SKIC2: variants seen among roughly 807,000 people sequenced by gnomAD.
The protein encoded by SKIC2 is superkiller complex protein 2.
chr6:31,965,364 T>G, the SKIC2 span, among the ~76,000 whole-genome samples: 1 of 151,876 alleles, frequency 6.6e-6, no homozygotes, highest in Non-Finnish European at 1.5e-5. This position sits in a 1 kb window ranked among gnomAD's most constrained non-coding sequence, Gnocchi z 5.6. Context: ...GGGTTAGATG[T>G]GGCCACAGGA....
the SKIC2 span, chr6:31,962,637 GT>G: frequency 1.2e-6 from 2 of 1,607,468 alleles, no homozygotes; most frequent in Non-Finnish European, 1.7e-6. This position sits in a 1 kb window ranked among gnomAD's most constrained non-coding sequence, Gnocchi z 5.0. Flanking sequence ...AGATGTGGCC[GT>G]TGTGGAGAGT....
chr6:31,967,341 T>A, the SKIC2 span: 1 of 1,612,838 alleles, frequency 6.2e-7, no homozygotes, highest in Admixed American at 1.7e-5. The surrounding 1 kb of genome is among the most constrained non-coding windows in gnomAD (Gnocchi z 4.9). Flanking sequence ...TTGTGAAGAA[T>A]CAGGAGCATC....
the SKIC2 span, chr6:31,968,669 C>T: frequency 3.9e-5 from 63 of 1,601,432 alleles, no homozygotes; most frequent in Non-Finnish European, 4.4e-5. This position sits in a 1 kb window ranked among gnomAD's most constrained non-coding sequence, Gnocchi z 6.1. Context: ...AGAAGGCTGA[C>T]GGGTGGCTCT....
At chr6:31,964,288 C>T in the SKIC2 span, 2 of 1,612,956 alleles carry the variant, frequency 1.2e-6, no homozygotes, top group Non-Finnish European at 1.7e-6. The surrounding 1 kb of genome is among the most constrained non-coding windows in gnomAD (Gnocchi z 5.0). Flanking sequence ...ATAGCGGCAT[C>T]CTGCCCATCC....
chr6:31,959,950 T>C, the SKIC2 span: 1 of 1,228,134 alleles, frequency 8.1e-7, no homozygotes, highest in East Asian at 2.3e-5. Flanking sequence ...CCATCATCTC[T>C]TTTGTCTGCA....
chr6:31,962,029 G>A, the SKIC2 span: 12 of 1,613,008 alleles, frequency 7.4e-6, no homozygotes, highest in Non-Finnish European at 1.0e-5. The surrounding 1 kb of genome is among the most constrained non-coding windows in gnomAD (Gnocchi z 5.0). Context: ...ATATGCCATT[G>A]CCCTGGCCCA....
At chr6:31,965,809 C>T in the SKIC2 span, 1 of 1,611,686 alleles carries the variant, frequency 6.2e-7, no homozygotes, top group Middle Eastern at 1.7e-4. The surrounding 1 kb of genome is among the most constrained non-coding windows in gnomAD (Gnocchi z 5.6). Flanking sequence ...AGACCTTTGC[C>T]ATGGGAGTAA....
At chr6:31,969,367 G>A in the SKIC2 span, 2 of 1,614,234 alleles carry the variant, frequency 1.2e-6, no homozygotes, top group South Asian at 2.2e-5. The surrounding 1 kb of genome is among the most constrained non-coding windows in gnomAD (Gnocchi z 6.1). Context: ...GGAATTTGTG[G>A]GGGAGCTGAA....
At chr6:31,962,174 G>T in the SKIC2 span, 1 of 1,084,576 alleles carries the variant, frequency 9.2e-7, no homozygotes, top group South Asian at 1.4e-5. This position sits in a 1 kb window ranked among gnomAD's most constrained non-coding sequence, Gnocchi z 5.0. Context: ...GAGGTTCAGG[G>T]CTAAGACTGA....
chr6:31,969,366 G>C, the SKIC2 span: 2 of 1,614,230 alleles, frequency 1.2e-6, no homozygotes, highest in Admixed American at 3.3e-5. The surrounding 1 kb of genome is among the most constrained non-coding windows in gnomAD (Gnocchi z 6.1). Flanking sequence ...AGGAATTTGT[G>C]GGGGAGCTGA....
chr6:31,967,537 A>T, the SKIC2 span, among the ~76,000 whole-genome samples: 3 of 150,706 alleles, frequency 2.0e-5, no homozygotes, highest in African/African-American at 7.3e-5. This position sits in a 1 kb window ranked among gnomAD's most constrained non-coding sequence, Gnocchi z 4.9. Context: ...CATCATGCTC[A>T]CTCCTTCCTC....
At chr6:31,961,134 G>C in the SKIC2 span, 1 of 1,603,338 alleles carries the variant, frequency 6.2e-7, no homozygotes, top group Non-Finnish European at 8.5e-7. Flanking sequence ...GAGAAGTCAT[G>C]TCCTTCTCCT....
the SKIC2 span, chr6:31,962,161 T>A: frequency 1.7e-6 from 2 of 1,210,824 alleles, no homozygotes; most frequent in African/African-American, 1.5e-5. The surrounding 1 kb of genome is among the most constrained non-coding windows in gnomAD (Gnocchi z 5.0). Flanking sequence ...ATCCTTTAAG[T>A]GAGAGGTTCA....
chr6:31,967,414 A>ATCCC, the SKIC2 span: 1 of 1,500,942 alleles, frequency 6.7e-7, no homozygotes, highest in South Asian at 1.1e-5. The surrounding 1 kb of genome is among the most constrained non-coding windows in gnomAD (Gnocchi z 4.9). Flanking sequence ...AGAGGGTGGG[A>ATCCC]GGGAGCAAGC....
chr6:31,962,695 C>G, the SKIC2 span: 5 of 1,610,984 alleles, frequency 3.1e-6, no homozygotes, highest in Non-Finnish European at 3.4e-6. This position sits in a 1 kb window ranked among gnomAD's most constrained non-coding sequence, Gnocchi z 5.0. Flanking sequence ...GGAGTCAATC[C>G]TTGGCCTCTT....
At chr6:31,962,625 G>A in the SKIC2 span, 1 of 1,609,478 alleles carries the variant, frequency 6.2e-7, no homozygotes, top group South Asian at 1.1e-5. The surrounding 1 kb of genome is among the most constrained non-coding windows in gnomAD (Gnocchi z 5.0). Context: ...TTTTGGCTGG[G>A]AAGATGTGGC....
chr6:31,962,716 C>A, the SKIC2 span: 1 of 1,612,698 alleles, frequency 6.2e-7, no homozygotes, highest in Non-Finnish European at 8.5e-7. The surrounding 1 kb of genome is among the most constrained non-coding windows in gnomAD (Gnocchi z 5.0). Context: ...CTCCCCAGCT[C>A]CATGCTGTAC....
the SKIC2 span, chr6:31,962,080 C>A: frequency 1.2e-5 from 19 of 1,609,396 alleles, no homozygotes; most frequent in Admixed American, 6.7e-5. This position sits in a 1 kb window ranked among gnomAD's most constrained non-coding sequence, Gnocchi z 5.0. Flanking sequence ...CCAACCTCCC[C>A]CTTCACCAGC....
At chr6:31,960,205 T>G in the SKIC2 span, 1 of 1,611,438 alleles carries the variant, frequency 6.2e-7, no homozygotes, top group Admixed American at 1.7e-5. Flanking sequence ...CAAAAGTTAC[T>G]ATTTTTCTCT....
Sources: allele counts gnomAD v4.1 joint callset (sites outside exome capture counted in the v4.1 genomes callset), GRCh38; gene constraint gnomAD v4.1.1; non-coding constraint Gnocchi (gnomAD v3.1); transcripts MANE v1.5; gene names NCBI Gene and HGNC (gene_info 2026-07-23, HGNC 2026-07-21).